The following ADAM22 variants were observed in gnomAD, a reference collection of about 807,000 sequenced individuals.
The protein encoded by ADAM22 is disintegrin and metalloproteinase domain-containing protein 22.
ADAM22 carries 65 observed loss-of-function variants against 144.6 expected under a neutral mutation model. The observed-to-expected ratio is 0.45, with a 90% confidence interval of 0.37 to 0.55. The LOEUF (loss-of-function observed/expected upper bound fraction) is 0.55. Ranked by LOEUF, ADAM22 falls within the 20% of genes least tolerant of loss-of-function variation. ADAM22 has a pLI of 0.00. For synonymous variants in ADAM22, 391 were observed against 412.6 expected, an observed-to-expected ratio of 0.95 and a Z score of 0.63; for missense variants, 974 against 1,184.9, an observed-to-expected ratio of 0.82 and a Z score of 2.61.
Position 88,161,306 on chromosome 7 carries a change from T to C in ADAM22, c.1908-1706T>C, listed in dbSNP as rs763503988. On this transcript the variant is annotated intron_variant, in intron 22 of 31. Transcript: ENST00000413139. Reference sequence around the variant, plus strand: ...AACTGGACCCCTTTCTTACACCATATACAAAAATAAACTCAAGATAGATTG... The same window carrying C: ...AACTGGACCCCTTTCTTACACCATACACAAAAATAAACTCAAGATAGATTG... 3.8e-4 allele frequency among the ~76,000 whole-genome samples: 57 copies of C among 151,654 alleles called. 1 individual carries two copies. The highest frequency in any genetic ancestry group is 6.5e-4 in the Non-Finnish European group (44 of 67,954).
intron 2 of ADAM22, among the ~76,000 whole-genome samples, chr7:87,966,807 T>C (rs553349895): frequency 6.9e-6 from 1 of 144,092 alleles, no homozygotes; most frequent in East Asian, 2.2e-4. Context: ...CTACATGATG[T>C]AATCTCTGTC....
At chr7:87,996,634 T>C (rs182321661) in intron 3 of ADAM22, among the ~76,000 whole-genome samples, 131 of 152,336 alleles carry the variant, frequency 8.6e-4, no homozygotes, top group Admixed American at 7.7e-3. Context: ...AAGTGATCAG[T>C]GCAAGAGTTC....
rs1851128067 is a variant in ADAM22, at chr7:88,200,615, TTA to T, written c.*4126_*4127del. The T allele has an allele frequency of 6.6e-6, 1 of 152,248 alleles. No homozygotes were observed. Among genetic ancestry groups the T allele is most frequent in the Admixed American group, 6.5e-5 (1 of 15,290 alleles). The allele number at this position is 152,248 out of a possible 1,614,324, so 9.4% of individuals were successfully genotyped here. A position where few individuals can be genotyped will look rare whatever the true frequency, so the allele number is the denominator to read the frequency against. On this transcript the variant is annotated 3_prime_UTR_variant, in exon 32 of 32. Transcript: ENST00000413139. ...CCTAATTATATTTTTCCTTTCACTT[TTA>T]TGTTTTTTTCTAAAACTGCCACCTA...
intron 3 of ADAM22, among the ~76,000 whole-genome samples, chr7:88,064,534 G>A (rs1442056556): frequency 6.6e-6 from 1 of 152,038 alleles, no homozygotes; most frequent in African/African-American, 2.4e-5. Flanking sequence ...CACAGTTCTG[G>A]AGACTGGGAA....
rs181049333 is a variant in ADAM22, at chr7:88,145,062, T to C, written c.1321-63T>C. ...GTATATTTGGGTATGGCACTTATGGTCTCTCAAAGTCTTTGATGTTGATTT... is the reference window on the plus strand; with the variant it reads ...GTATATTTGGGTATGGCACTTATGGCCTCTCAAAGTCTTTGATGTTGATTT... On this transcript the variant is annotated intron_variant, in intron 15 of 31. Transcript: ENST00000413139. 4.8e-4 allele frequency: 688 copies of C among 1,436,476 alleles called. 7 individuals are homozygous for C. In the East Asian group the frequency reaches 0.014, roughly 30 times the overall value. The allele number at this position is 1,436,476 out of a possible 1,614,324, so 89.0% of individuals were successfully genotyped here.
chr7:88,177,840 A>G (rs1846049467), intron 26 of ADAM22, among the ~76,000 whole-genome samples: 1 of 152,210 alleles, frequency 6.6e-6, no homozygotes, highest in South Asian at 2.1e-4. Flanking sequence ...ATAAGGAGAA[A>G]CCAAATAAGA....
intron 3 of ADAM22, among the ~76,000 whole-genome samples, chr7:88,024,940 C>T (rs550990220): frequency 6.6e-6 from 1 of 152,092 alleles, no homozygotes; most frequent in Non-Finnish European, 1.5e-5. Flanking sequence ...TTTCCTTAAT[C>T]CAGTCTATCA....
intron 26 of ADAM22, among the ~76,000 whole-genome samples, chr7:88,172,348 A>G (rs1844538253): frequency 6.6e-6 from 1 of 151,964 alleles, no homozygotes; most frequent in African/African-American, 2.4e-5. Flanking sequence ...TTAGCTATTG[A>G]TAAAAAATAT....
At chr7:88,053,963 T>TTGTATTTTGTAAAAAAA (rs1807419168) in intron 3 of ADAM22, among the ~76,000 whole-genome samples, 1 of 152,166 alleles carries the variant, frequency 6.6e-6, no homozygotes, top group Non-Finnish European at 1.5e-5. Flanking sequence ...AAACCCGATC[T>TTGTATTTTGTAAAAAAA]CTATTAAAAA....
intron 3 of ADAM22, among the ~76,000 whole-genome samples, chr7:88,044,671 C>T (rs963165094): frequency 2.6e-5 from 4 of 151,894 alleles, no homozygotes; most frequent in African/African-American, 9.7e-5. Flanking sequence ...TGGTCTCGAT[C>T]TCCTGACCTC....
chr7:88,001,852 G>A (rs1301616810), intron 3 of ADAM22, among the ~76,000 whole-genome samples: 1 of 151,900 alleles, frequency 6.6e-6, no homozygotes, highest in Non-Finnish European at 1.5e-5. Flanking sequence ...ATGTTTATAG[G>A]AAAGTAAAAC....
chr7:87,976,039 C>T (rs2129448350), intron 2 of ADAM22, among the ~76,000 whole-genome samples: 1 of 152,028 alleles, frequency 6.6e-6, no homozygotes, highest in South Asian at 2.1e-4. Flanking sequence ...TATAGCTGTT[C>T]AGTTGTTGTT....
chr7:88,098,034 C>G (rs1821903372), intron 4 of ADAM22, among the ~76,000 whole-genome samples: 1 of 152,114 alleles, frequency 6.6e-6, no homozygotes, highest in Non-Finnish European at 1.5e-5. Flanking sequence ...TGTTGCTGAG[C>G]ATTTTGTGGG....
At position 87,966,680 on chromosome 7, in the gene ADAM22, G is replaced by A. The variant is rs113252667; in HGVS notation, c.247-11656G>A. On this transcript the variant is annotated intron_variant, in intron 2 of 31. Coordinates refer to ENST00000413139, the MANE Select transcript of ADAM22 (RefSeq NM_001324418.2). ...ACTGGAAATGTAGCAAGGTAAATTCGGGGAATGCCTCTCAAGAGTTCATCT... is the reference window on the plus strand; with the variant it reads ...ACTGGAAATGTAGCAAGGTAAATTCAGGGAATGCCTCTCAAGAGTTCATCT... Among the ~76,000 whole-genome samples, 819 of 143,542 alleles carry A rather than the reference G, an allele frequency of 5.7e-3. 4 individuals are homozygous for A. The highest frequency in any genetic ancestry group is 0.02 in the African/African-American group (791 of 38,766). The allele number at this position is 143,542 out of a possible 152,430, so 94.2% of individuals were successfully genotyped here. A position where few individuals can be genotyped will look rare whatever the true frequency, so the allele number is the denominator to read the frequency against.
chr7:88,037,370 G>A (rs370286311), intron 3 of ADAM22, among the ~76,000 whole-genome samples: 20 of 151,786 alleles, frequency 1.3e-4, no homozygotes, highest in Non-Finnish European at 1.5e-4. Context: ...TATCTTATGC[G>A]TTCTACAAAA....
chr7:88,125,565 A>T, intron 7 of ADAM22, 24 bp from the exon 8 acceptor site: 2 of 1,550,736 alleles, frequency 1.3e-6, no homozygotes, highest in South Asian at 1.2e-5. Flanking sequence ...GCACTAAGTT[A>T]AATTAAATTT....
rs1018155488 is a variant in ADAM22, at chr7:88,197,968, C to G, written c.*1477C>G. The G allele has an allele frequency of 2.6e-5, 4 of 152,020 alleles. No individual in the cohort carries two copies. Among genetic ancestry groups the G allele is most frequent in the Non-Finnish European group, 4.4e-5 (3 of 67,990 alleles). The allele number at this position is 152,020 out of a possible 1,614,324, so 9.4% of individuals were successfully genotyped here. ...ATTTTAAAAGACCCTTCTTTAAAAC[C>G]AAAGTTTGATAGCTGTTATAATGGC... On this transcript the variant is annotated 3_prime_UTR_variant, in exon 32 of 32. Coordinates refer to ENST00000413139, the MANE Select transcript of ADAM22 (RefSeq NM_001324418.2).
At chr7:87,978,446 A>G in intron 3 of ADAM22, 34 bp downstream of exon 3, 1 of 1,576,218 alleles carries the variant, frequency 6.3e-7, no homozygotes, top group South Asian at 1.1e-5. Context: ...TTTGTCAGAT[A>G]CACATTGAAT....
intron 3 of ADAM22, among the ~76,000 whole-genome samples, chr7:88,006,594 A>C (rs1793915655): frequency 6.7e-6 from 1 of 148,896 alleles, no homozygotes; most frequent in Non-Finnish European, 1.5e-5. Context: ...AGGCTGGTTC[A>C]ATGTATGCAA....
Sources: allele counts gnomAD v4.1 joint callset (sites outside exome capture counted in the v4.1 genomes callset), GRCh38; gene constraint gnomAD v4.1.1; transcripts MANE v1.5; gene names NCBI Gene and HGNC (gene_info 2026-07-23, HGNC 2026-07-21).